The following TPSG1 variants were observed in gnomAD, a reference collection of about 807,000 sequenced individuals.
TPSG1 encodes the protein tryptase gamma 1, also known as tryptase gamma.
Under a neutral mutation model 23.8 loss-of-function variants are expected in TPSG1, and 43 were observed. The ratio of observed to expected loss-of-function variants is 1.81; its 90% confidence interval spans 1.42 to 2.33. The LOEUF is 2.33. Ranked by LOEUF, TPSG1 falls within the 30% of genes most tolerant of loss-of-function variation. TPSG1 has a pLI of 0.00. For missense variants in TPSG1, 623 were observed against 438.6 expected, an observed-to-expected ratio of 1.42 and a Z score of -3.75; for synonymous variants, 302 against 201.3, an observed-to-expected ratio of 1.50 and a Z score of -4.23.
chr16:1,224,581 C>T, intron 2 of TPSG1, 21 bp downstream of exon 2: 1 of 1,613,840 alleles, frequency 6.2e-7, no homozygotes, highest in South Asian at 1.1e-5. Flanking sequence ...CCCCCACACC[C>T]CACACCTGTC....
Position 1,222,088 on chromosome 16 carries a change from G to A in TPSG1, c.666C>T (p.Ser222=), listed in dbSNP as rs369259109. The A allele has an allele frequency of 1.2e-4, 186 of 1,612,774 alleles. No homozygotes were observed. Among genetic ancestry groups the A allele is most frequent in the African/African-American group, 9.9e-4 (74 of 75,048 alleles). ...RGPGDACQDD[S]GGPLVCQVNG... is the part of the protein sequence containing the mutation. ...TCACCTGGCAGACCAGAGGCCCCCC[G>A]GAGTCGTCCTGAGGACAGAGAAGGC... The change falls in exon 6 of 6, where the codon TCC becomes TCT. Residue 222 remains serine, a synonymous_variant. Coordinates refer to ENST00000234798, the MANE Select transcript of TPSG1 (RefSeq NM_012467.4).
chr16:1,222,822 G>T lies in TPSG1; in HGVS notation c.341C>A (p.Ser114Tyr), dbSNP rs1205445530. 1 of 1,612,014 alleles carries T rather than the reference G, an allele frequency of 6.2e-7. No individual in the cohort carries two copies. Residue 114 changes from serine to tyrosine, a missense_variant, in exon 4 of 6, where the codon TCC (serine) becomes TAC (tyrosine). Coordinates refer to ENST00000234798, the MANE Select transcript of TPSG1 (RefSeq NM_012467.4). ...FSTVRQIILH[S>Y]SPSGQPGTSG... ...GGTCCCCGGCTGTCCTGAGGGGCTGGAGTGCAGGATGATCTGCCTCACGGT... is the reference window on the plus strand; with the variant it reads ...GGTCCCCGGCTGTCCTGAGGGGCTGTAGTGCAGGATGATCTGCCTCACGGT...
intron 2 of TPSG1, 59 bp downstream of exon 2, chr16:1,224,543 C>T (rs1394264575): frequency 5.0e-6 from 8 of 1,609,038 alleles, no homozygotes; most frequent in South Asian, 4.4e-5. Flanking sequence ...GTCACCGAGG[C>T]CCTCCTGCCA....
At chr16:1,222,489 GGATCCACAC>G in intron 4 of TPSG1, 148 bp from the exon 5 acceptor site, 1 of 1,267,438 alleles carries the variant, frequency 7.9e-7, no homozygotes, top group Non-Finnish European at 1.1e-6. Context: ...CTGCTGCTTT[GGATCCACAC>G]GACAGGCTTT....
chr16:1,225,124 C>G, intron 1 of TPSG1, 83 bp downstream of exon 1: 1 of 1,503,196 alleles, frequency 6.7e-7, no homozygotes, highest in South Asian at 1.2e-5. Flanking sequence ...CCGTCTCAGA[C>G]CAGCCCCCAG....
chr16:1,222,025 A>G lies in TPSG1; in HGVS notation c.729T>C (p.Gly243=), dbSNP rs777443570. Residue 243 remains glycine, a synonymous_variant, in exon 6 of 6, where the codon GGT becomes GGC. Transcript: ENST00000234798. ...AWVQAGTVSW[G]EGCGRPNRPG... is the part of the protein sequence containing the mutation. Reference sequence around the variant, plus strand: ...GCCTGTTGGGGCGGCCGCAGCCCTCACCCCAGCTCACAGTGCCAGCCTGCA... The same window carrying G: ...GCCTGTTGGGGCGGCCGCAGCCCTCGCCCCAGCTCACAGTGCCAGCCTGCA... The G allele has an allele frequency of 8.1e-6, 13 of 1,612,542 alleles. No homozygotes were observed. Among genetic ancestry groups the G allele is most frequent in the Non-Finnish European group, 1.0e-5 (12 of 1,179,960 alleles).
In TPSG1 at chr16:1,222,330, G is replaced by A; in HGVS notation, c.523C>T (p.Pro175Ser). The change falls in exon 5 of 6, where the codon CCC becomes TCC. Residue 175 changes from proline (P) to serine (S), a missense_variant. Physicochemically the swap from Pro to Ser is moderately conservative, Grantham distance 74. Coordinates refer to ENST00000234798, the MANE Select transcript of TPSG1 (RefSeq NM_012467.4). ...GYTREGEPLP[P>S]PYSLREVKVS... ...TTCACCTCCCGCAGGCTGTACGGGG[G>A]TGGCAGAGGCTCTGGGGTGGGGGGA... is the stretch of plus-strand genomic sequence containing the variant. 2 of 1,599,648 alleles carry A rather than the reference G, an allele frequency of 1.3e-6. No individual in the cohort carries two copies. Among genetic ancestry groups the A allele is most frequent in the East Asian group, 2.2e-5 (1 of 44,580 alleles).
intron 1 of TPSG1, among the ~76,000 whole-genome samples, chr16:1,224,934 A>T (rs1428221238): frequency 6.6e-6 from 1 of 151,366 alleles, no homozygotes; most frequent in Non-Finnish European, 1.5e-5. Flanking sequence ...GACTCCTGGC[A>T]CCCCCAACTC....
At chr16:1,222,621 C>T (rs781235114) in intron 4 of TPSG1, 31 bp downstream of exon 4, 3 of 1,522,450 alleles carry the variant, frequency 2.0e-6, no homozygotes, top group Non-Finnish European at 2.6e-6. Flanking sequence ...TTGCCTTCCT[C>T]CATCCCAGCA....
At position 1,222,200 on chromosome 16, in the gene TPSG1, C is replaced by T. The variant is rs753133020; in HGVS notation, c.653G>A (p.Cys218Tyr). ...GTCACGGCCTGGCAGGCTCACCTGG[C>T]AGGCATCCCCGGGGCCCCGGGCACA... The part of the protein sequence containing the change: ...MLCARGPGDA[C>Y]QDDSGGPLVC... The change falls in exon 5 of 6, where the codon TGC (cysteine) becomes TAC (tyrosine). Residue 218 changes from cysteine to tyrosine, a missense_variant. Transcript: ENST00000234798. 1 of 1,611,400 alleles carries T rather than the reference C, an allele frequency of 6.2e-7. No homozygotes were observed. The highest frequency in any genetic ancestry group is 8.5e-7 in the Non-Finnish European group (1 of 1,179,760).
At chr16:1,222,137 G>C in intron 5 of TPSG1, 41 bp from the exon 6 acceptor site, 1 of 1,612,076 alleles carries the variant, frequency 6.2e-7, no homozygotes, top group Non-Finnish European at 8.5e-7. Context: ...CGAGAAGATG[G>C]GGAGCCCCTC....
chr16:1,222,498 C>T (rs141310903), intron 4 of TPSG1, among the ~76,000 whole-genome samples, 154 bp downstream of exon 4: 133 of 152,270 alleles, frequency 8.7e-4, no homozygotes, highest in African/African-American at 3.1e-3. Context: ...TGGATCCACA[C>T]GACAGGCTTT....
chr16:1,223,146 G>A, intron 3 of TPSG1, among the ~76,000 whole-genome samples: 1 of 152,202 alleles, frequency 6.6e-6, no homozygotes, highest in East Asian at 1.9e-4. Flanking sequence ...CCCGACACCA[G>A]CAGGGGCTGG....
Position 1,222,097 on chromosome 16 carries a change from C to G in TPSG1, c.658-1G>C. On this transcript the variant is annotated splice_acceptor_variant, in intron 5 of 5. Transcript: ENST00000234798. LOFTEE classifies it high-confidence loss of function. Reference sequence around the variant, plus strand: ...AGACCAGAGGCCCCCCGGAGTCGTCCTGAGGACAGAGAAGGCGAGCATTGG... The same window carrying G: ...AGACCAGAGGCCCCCCGGAGTCGTCGTGAGGACAGAGAAGGCGAGCATTGG... The G allele has an allele frequency of 2.5e-6, 4 of 1,612,792 alleles. No individual in the cohort carries two copies. The highest frequency in any genetic ancestry group is 3.4e-6 in the Non-Finnish European group (4 of 1,179,984).
intron 2 of TPSG1, among the ~76,000 whole-genome samples, 185 bp downstream of exon 2, chr16:1,224,417 A>T (rs1244009172): frequency 6.6e-6 from 1 of 151,952 alleles, no homozygotes; most frequent in East Asian, 1.9e-4. Flanking sequence ...GTGGTGGGGG[A>T]GACAGCCCTG....
In TPSG1 at chr16:1,222,749, G is replaced by A; in HGVS notation, c.414C>T (p.Ser138=). Residue 138 remains serine, a synonymous_variant, in exon 4 of 6, where the codon TCC becomes TCT. Transcript: ENST00000234798. The stretch of plus-strand genomic sequence containing the variant: ...GGAGGCAGACGGGCAGGATCCGGCT[G>A]GAGAGGGTCACGGGGACACTGAGCT... ...LVELSVPVTL[S]SRILPVCLPE... The A allele has an allele frequency of 1.9e-6, 3 of 1,612,088 alleles. No homozygotes were observed. The highest frequency in any genetic ancestry group is 2.5e-6 in the Non-Finnish European group (3 of 1,179,440).
rs754737824 is a variant in TPSG1, at chr16:1,223,475, C to G, written c.193G>C (p.Gly65Arg). 6.3e-7 allele frequency: 1 copy of G among 1,585,922 alleles called. No individual in the cohort carries two copies. The highest frequency in any genetic ancestry group is 1.3e-5 in the African/African-American group (1 of 74,584). The stretch of plus-strand genomic sequence containing the variant: ...ACCCACTGGGGGCTGAGCAGTGACC[C>G]GCCGCACACGTGCACCCTCCGCAGG... Reference protein sequence around the residue: ...LRLRRVHVCGGSLLSPQWVLT... With the variant: ...LRLRRVHVCGRSLLSPQWVLT... The change falls in exon 3 of 6, where the codon GGG becomes CGG. Residue 65 changes from glycine (G) to arginine (R), a missense_variant. By Grantham distance (125) the Gly-to-Arg change is moderately radical. Coordinates refer to ENST00000234798, the MANE Select transcript of TPSG1 (RefSeq NM_012467.4).
intron 2 of TPSG1, 52 bp downstream of exon 2, chr16:1,224,550 G>T: frequency 6.2e-7 from 1 of 1,611,416 alleles, no homozygotes; most frequent in South Asian, 1.1e-5. Flanking sequence ...AGGCCCTCCT[G>T]CCAGGCCTTG....
chr16:1,222,041 C>G lies in TPSG1; in HGVS notation c.713G>C (p.Gly238Ala), dbSNP rs1970518462. The change falls in exon 6 of 6, where the codon GGC becomes GCC. Residue 238 changes from glycine (G) to alanine (A), a missense_variant. Gly to Ala is a moderately conservative substitution (Grantham distance 60). Transcript: ENST00000234798. ...CQVNGAWVQA[G>A]TVSWGEGCGR... ...GCAGCCCTCACCCCAGCTCACAGTG[C>G]CAGCCTGCACCCAGGCACCGTTCAC... The G allele has an allele frequency of 1.2e-6, 2 of 1,612,762 alleles. No individual in the cohort carries two copies. The highest frequency in any genetic ancestry group is 1.7e-6 in the Non-Finnish European group (2 of 1,179,984).
Sources: gnomAD v4.1 joint callset for allele counts (sites outside exome capture counted in the v4.1 genomes callset) on GRCh38, gnomAD v4.1.1 for gene constraint, MANE v1.5 for transcripts, NCBI Gene and HGNC (gene_info 2026-07-23, HGNC 2026-07-21) for gene names.